ARL10: variants seen among roughly 807,000 people sequenced by gnomAD.
ARL10 encodes the protein ADP-ribosylation factor-like protein 10.
ARL10 carries 23 observed loss-of-function variants against 26.1 expected under a neutral mutation model. That is an observed-to-expected ratio of 0.88 (90% confidence interval 0.63 to 1.25). The LOEUF (loss-of-function observed/expected upper bound fraction) is 1.25. Among genes scored for constraint, ARL10 ranks in the 50% most tolerant of loss-of-function variants. The pLI, the probability that ARL10 is intolerant of heterozygous loss-of-function variation, is 0.00. For synonymous variants in ARL10, 138 were observed against 149.1 expected, an observed-to-expected ratio of 0.93 and a Z score of 0.54; for missense variants, 300 against 323.6, an observed-to-expected ratio of 0.93 and a Z score of 0.56.
At chr5:176,395,552 C>T (rs1244307632) in intron 1 of ARL10, among the ~76,000 whole-genome samples, 1 of 152,176 alleles carries the variant, frequency 6.6e-6, no homozygotes, top group Non-Finnish European at 1.5e-5. Flanking sequence ...ACAGCAAGTA[C>T]CTTCTCTTCA....
At chr5:176,401,570 T>C (rs1232732808) in intron 1 of ARL10, among the ~76,000 whole-genome samples, 2 of 152,160 alleles carry the variant, frequency 1.3e-5, no homozygotes, top group Admixed American at 6.6e-5. Context: ...GAGAGGGTCA[T>C]ATCTGAGCAC....
intron 1 of ARL10, chr5:176,396,598 C>A: frequency 1.7e-6 from 2 of 1,161,572 alleles, no homozygotes; most frequent in Non-Finnish European, 2.6e-6. Context: ...GACAGGCAGG[C>A]AGAAGGTTAG....
chr5:176,409,831 T>G, the ARL10 span, among the ~76,000 whole-genome samples: 1 of 152,240 alleles, frequency 6.6e-6, no homozygotes, highest in Non-Finnish European at 1.5e-5. Flanking sequence ...GCAAAGAATC[T>G]GGGTGGCCTT....
downstream of ARL10, chr5:176,384,364 C>A: frequency 6.2e-7 from 1 of 1,612,786 alleles, no homozygotes; most frequent in Middle Eastern, 1.7e-4. Flanking sequence ...CTTCTCATCA[C>A]GGGCCATGGC....
rs1249886549 is a variant in ARL10 at position 176,373,384 on chromosome 5, T to G, written c.*1489T>G. On this transcript the variant is annotated 3_prime_UTR_variant, in exon 4 of 4. Transcript: ENST00000310389. Reference sequence around the variant, plus strand: ...ATCGGTACAGGCAAAGAGGAGCCTGTTGTCTGTTAGGGACCACTAAATCAA... The same window carrying G: ...ATCGGTACAGGCAAAGAGGAGCCTGGTGTCTGTTAGGGACCACTAAATCAA... The G allele has an allele frequency of 4.1e-6, 1 of 245,264 alleles. No individual in the cohort carries two copies. The highest frequency in any genetic ancestry group is 7.7e-6 in the Non-Finnish European group (1 of 129,230). The allele number at this position is 245,264 out of a possible 1,614,324, so 15.2% of individuals were successfully genotyped here.
downstream of ARL10, chr5:176,392,710 A>C: frequency 6.3e-7 from 1 of 1,577,620 alleles, no homozygotes; most frequent in Admixed American, 1.7e-5. This position sits in a 1 kb window ranked among gnomAD's most constrained non-coding sequence, Gnocchi z 5.2. Flanking sequence ...ACCCCGACCA[A>C]AGCAGCTGCT....
rs1768646244 is a variant in ARL10, at chr5:176,375,094, A to ATCCATCCC, written c.*3206_*3207insCTCCATCC. 1 of 149,114 alleles carries ATCCATCCC rather than the reference A, an allele frequency of 6.7e-6. No homozygotes were observed. Among genetic ancestry groups the ATCCATCCC allele is most frequent in the East Asian group, 2.0e-4 (1 of 5,038 alleles). 9.2% of individuals were successfully genotyped at this position (149,114 alleles called of 1,614,324 possible). On this transcript the variant is annotated 3_prime_UTR_variant, in exon 4 of 4. Transcript: ENST00000310389. Reference sequence around the variant, plus strand: ...GGTGGCCTCATCCATCCATCCATCCATCCATCCATCCATCCCTCCATCCGT... The same window carrying ATCCATCCC: ...GGTGGCCTCATCCATCCATCCATCCATCCATCCCTCCATCCATCCATCCCTCCATCCGT...
chr5:176,385,211 A>C (rs776047357), downstream of ARL10: 4 of 1,547,872 alleles, frequency 2.6e-6, no homozygotes, highest in African/African-American at 4.1e-5. Flanking sequence ...ACGGGGCCTG[A>C]GCCGCTCACC....
downstream of ARL10, among the ~76,000 whole-genome samples, chr5:176,382,908 T>C (rs1581401242): frequency 2.6e-5 from 4 of 152,316 alleles, no homozygotes; most frequent in East Asian, 7.7e-4. Flanking sequence ...GGACATAAGA[T>C]GGGGCCAAAT....
downstream of ARL10, chr5:176,388,932 A>G (rs1756132843): frequency 6.2e-7 from 1 of 1,614,026 alleles, no homozygotes; most frequent in South Asian, 1.1e-5. Flanking sequence ...TTCAAGGAAA[A>G]GTTCGTTCGC....
chr5:176,400,285 T>G (rs934146248), intron 1 of ARL10, among the ~76,000 whole-genome samples: 1 of 152,122 alleles, frequency 6.6e-6, no homozygotes. Flanking sequence ...TACTATAATA[T>G]TTGTGAGATA....
At chr5:176,404,651 A>G (rs913477177), downstream of ARL10, among the ~76,000 whole-genome samples, 7 of 152,172 alleles carry the variant, frequency 4.6e-5, no homozygotes, top group Non-Finnish European at 8.8e-5. Context: ...AACTGGGCCC[A>G]CATCTCCGCC....
chr5:176,385,199 C>T, downstream of ARL10: 1 of 1,439,820 alleles, frequency 6.9e-7, no homozygotes, highest in Non-Finnish European at 9.8e-7. Flanking sequence ...CCCAGCCAGC[C>T]CACGGGGCCT....
downstream of ARL10, chr5:176,383,996 TG>T: frequency 6.5e-7 from 1 of 1,535,468 alleles, no homozygotes; most frequent in Non-Finnish European, 8.7e-7. Context: ...TCACCCACCC[TG>T]AAAACAGCAG....
At chr5:176,396,134 TCAAAAAA>T (rs1482738816) in intron 1 of ARL10, among the ~76,000 whole-genome samples, 3 of 151,914 alleles carry the variant, frequency 2.0e-5, no homozygotes, top group Non-Finnish European at 4.4e-5. Flanking sequence ...AAACTCCATC[TCAAAAAA>T]CAAAAAACCC....
Position 176,365,654 on chromosome 5 carries a change from T to C in ARL10, c.91T>C (p.Tyr31His). The C allele has an allele frequency of 8.0e-7, 1 of 1,253,396 alleles. No homozygotes were observed. The highest frequency in any genetic ancestry group is 3.5e-5 in the South Asian group (1 of 28,616). The allele number at this position is 1,253,396 out of a possible 1,614,324, so 77.6% of individuals were successfully genotyped here. Residue 31 changes from tyrosine (Y) to histidine (H), a missense_variant, in exon 1 of 4, where the codon TAC becomes CAC. Coordinates refer to ENST00000310389, the MANE Select transcript of ARL10 (RefSeq NM_173664.6). ...GGTGCTCTTCATCCTCTGGAAGACC[T>C]ACTTCGGCCGCGGCCGAGAGCGGCG... ...GSVLFILWKTYFGRGRERRWD... is the reference protein window; with the variant it reads ...GSVLFILWKTHFGRGRERRWD...
exon 2 of ARL10, chr5:176,388,437 C>G: frequency 3.1e-6 from 5 of 1,614,148 alleles, no homozygotes; most frequent in Non-Finnish European, 4.2e-6. Context: ...CCTCACCATT[C>G]GATCCGCGGC....
chr5:176,385,283 GAGT>G (rs1414215070), downstream of ARL10: 2 of 1,613,242 alleles, frequency 1.2e-6, no homozygotes, highest in African/African-American at 2.7e-5. Flanking sequence ...TCCCGAGACA[GAGT>G]ATTTCCTTTC....
rs974352593 is a variant in ARL10 at position 176,373,243 on chromosome 5, C to G, written c.*1348C>G. ...CAGCCTTTCTGGACCCAATTTTTCC[C>G]CAGTGAAAGCCAAGTTGGACTGAAT... On this transcript the variant is annotated 3_prime_UTR_variant, in exon 4 of 4. Transcript: ENST00000310389. 1.0e-4 allele frequency: 41 copies of G among 391,050 alleles called. No individual in the cohort carries two copies. In the East Asian group the frequency reaches 1.4e-3, roughly 14 times the overall value. 24.2% of individuals were successfully genotyped at this position (391,050 alleles called of 1,614,324 possible). A position where few individuals can be genotyped will look rare whatever the true frequency, so the allele number is the denominator to read the frequency against.
Sources: allele counts gnomAD v4.1 joint callset (sites outside exome capture counted in the v4.1 genomes callset), GRCh38; gene constraint gnomAD v4.1.1; non-coding constraint Gnocchi (gnomAD v3.1); transcripts MANE v1.5; gene names NCBI Gene and HGNC (gene_info 2026-07-23, HGNC 2026-07-21).